C12orf42: variants seen among roughly 807,000 people sequenced by gnomAD.
C12orf42 encodes chromosome 12 open reading frame 42.
Under a neutral mutation model 21.6 loss-of-function variants are expected in C12orf42, and 25 were observed. That is an observed-to-expected ratio of 1.16 (90% confidence interval 0.84 to 1.62). C12orf42 has a LOEUF of 1.62. C12orf42 is among the 40% of genes most tolerant of loss of function. The pLI is 0.00. For synonymous variants in C12orf42, 174 were observed against 175.0 expected (o/e 0.99, Z 0.05); for missense variants, 483 against 459.3 (o/e 1.05, Z -0.47).
At chr12:103,319,215 C>T (rs2039836617) in intron 4 of C12orf42, among the ~76,000 whole-genome samples, 1 of 152,230 alleles carries the variant, frequency 6.6e-6, no homozygotes, top group South Asian at 2.1e-4. Flanking sequence ...CAACCCTTCA[C>T]TGTGTTTATT....
intron 4 of C12orf42, among the ~76,000 whole-genome samples, chr12:103,364,721 T>G (rs1384133406): frequency 6.6e-6 from 1 of 151,902 alleles, no homozygotes; most frequent in African/African-American, 2.4e-5. Context: ...CTACATAAAA[T>G]AGAAAACCTA....
the C12orf42 span, among the ~76,000 whole-genome samples, chr12:103,175,205 C>A: frequency 7.9e-5 from 12 of 152,098 alleles, no homozygotes; most frequent in African/African-American, 2.9e-4. Context: ...GAATCTATAA[C>A]CAGTTTTATT....
At chr12:103,353,316 A>T (rs1301972049) in intron 4 of C12orf42, among the ~76,000 whole-genome samples, 1 of 151,750 alleles carries the variant, frequency 6.6e-6, no homozygotes, top group East Asian at 1.9e-4. Flanking sequence ...GGTGGGGGGC[A>T]AGTACAAAGA....
chr12:103,524,547 G>A, the C12orf42 span, among the ~76,000 whole-genome samples: 5 of 152,174 alleles, frequency 3.3e-5, no homozygotes, highest in East Asian at 1.9e-4. Flanking sequence ...GGGAACAAAC[G>A]CAGCAACCTT....
chr12:103,088,632 C>A, the C12orf42 span, among the ~76,000 whole-genome samples: 15 of 152,314 alleles, frequency 9.8e-5, no homozygotes, highest in African/African-American at 3.1e-4. Context: ...CTCCTATATG[C>A]AATGGAGCTG....
At position 103,354,412 on chromosome 12, in the gene C12orf42, T is replaced by G. The variant is rs185785419; in HGVS notation, c.259+14475A>C. 3.3e-3 allele frequency among the ~76,000 whole-genome samples: 502 copies of G among 152,186 alleles called. 3 individuals are homozygous for G. The highest frequency in any genetic ancestry group is 0.011 in the African/African-American group (476 of 41,544). On this transcript the variant is annotated intron_variant, in intron 4 of 5. Transcript: ENST00000548883. ...TCCAAGTCATGGTCCCTATGCTACTTCAAAGACTGAGGCCAGAAGCTGGGA... is the reference window on the plus strand; with the variant it reads ...TCCAAGTCATGGTCCCTATGCTACTGCAAAGACTGAGGCCAGAAGCTGGGA...
intron 4 of C12orf42, chr12:103,349,338 G>T (rs1232634074): frequency 6.6e-6 from 1 of 151,534 alleles, no homozygotes; most frequent in African/African-American, 2.4e-5. Context: ...AAAGAACAAA[G>T]AAATGAAAGT....
At chr12:103,518,384 C>A in the C12orf42 span, among the ~76,000 whole-genome samples, 1 of 152,308 alleles carries the variant, frequency 6.6e-6, no homozygotes, top group South Asian at 2.1e-4. Context: ...CATCAATCCT[C>A]CTTGGGACTA....
the C12orf42 span, among the ~76,000 whole-genome samples, chr12:103,073,407 TTTC>T: frequency 6.6e-6 from 1 of 152,210 alleles, no homozygotes; most frequent in African/African-American, 2.4e-5. Flanking sequence ...GGCAGCTATT[TTTC>T]TTCTTTCTGT....
chr12:103,095,023 C>T, the C12orf42 span, among the ~76,000 whole-genome samples: 2 of 152,258 alleles, frequency 1.3e-5, no homozygotes, highest in Admixed American at 6.5e-5. Context: ...GGGGTGATTT[C>T]GACTTCACTT....
At chr12:103,170,888 C>T in the C12orf42 span, among the ~76,000 whole-genome samples, 2 of 152,270 alleles carry the variant, frequency 1.3e-5, no homozygotes, top group East Asian at 3.9e-4. Flanking sequence ...TAAAGATCAT[C>T]TAGTGCAACT....
the C12orf42 span, among the ~76,000 whole-genome samples, chr12:103,207,457 C>T: frequency 1.3e-4 from 20 of 152,194 alleles, no homozygotes; most frequent in South Asian, 8.3e-4. Context: ...CACGTGCGCG[C>T]GCACAGATGT....
the C12orf42 span, among the ~76,000 whole-genome samples, chr12:103,527,434 T>C: frequency 6.6e-6 from 1 of 152,178 alleles, no homozygotes; most frequent in Non-Finnish European, 1.5e-5. Context: ...GGACCCCTCA[T>C]GAATAGATTA....
At chr12:103,385,489 T>A (rs763293939) in intron 3 of C12orf42, among the ~76,000 whole-genome samples, 1 of 152,230 alleles carries the variant, frequency 6.6e-6, no homozygotes, top group Non-Finnish European at 1.5e-5. Flanking sequence ...TTCCTTGAGA[T>A]GTACTTATTC....
At chr12:103,076,023 A>G in the C12orf42 span, among the ~76,000 whole-genome samples, 1 of 152,084 alleles carries the variant, frequency 6.6e-6, no homozygotes, top group African/African-American at 2.4e-5. Context: ...CATCTATGTG[A>G]TTTCCAAAGG....
chr12:103,442,307 A>G (rs1951293824), intron 2 of C12orf42, among the ~76,000 whole-genome samples: 3 of 152,178 alleles, frequency 2.0e-5, no homozygotes. Flanking sequence ...ACGATTGATG[A>G]TCTCACATCT....
intron 10 of C12orf42, among the ~76,000 whole-genome samples, chr12:103,252,269 T>C (rs1232112944): frequency 6.6e-6 from 1 of 152,222 alleles, no homozygotes; most frequent in Non-Finnish European, 1.5e-5. Context: ...TGCATAGGTC[T>C]TTATAGTAGA....
intron 4 of C12orf42, among the ~76,000 whole-genome samples, chr12:103,279,883 C>G (rs912423136): frequency 6.6e-6 from 1 of 152,142 alleles, no homozygotes; most frequent in Non-Finnish European, 1.5e-5. Context: ...TTTCTGCTTT[C>G]ATGGTGCTCT....
At chr12:103,360,971 T>G (rs1484418431) in intron 4 of C12orf42, among the ~76,000 whole-genome samples, 2 of 152,132 alleles carry the variant, frequency 1.3e-5, no homozygotes, top group African/African-American at 4.8e-5. Flanking sequence ...CATTTGAGTT[T>G]CCAACTGCAA....
Sources: allele counts gnomAD v4.1 joint callset (sites outside exome capture counted in the v4.1 genomes callset), GRCh38; gene constraint gnomAD v4.1.1; transcripts MANE v1.5; gene names NCBI Gene and HGNC (gene_info 2026-07-23, HGNC 2026-07-21).